Variants in DGKA observed in about 807,000 individuals in gnomAD.
The protein encoded by DGKA is 80 kDa diacylglycerol kinase.
A neutral mutation model predicts 105.0 loss-of-function variants in DGKA; 35 were observed. That is an observed-to-expected ratio of 0.33 (90% CI 0.25 to 0.44). The LOEUF (loss-of-function observed/expected upper bound fraction) is 0.44. Among genes scored for constraint, DGKA ranks in the 20% least tolerant of loss-of-function variants. The pLI is 1.00. For synonymous variants in DGKA, 296 were observed against 332.0 expected (o/e 0.89, Z 1.18); for missense variants, 665 against 915.0 (o/e 0.73, Z 3.53).
At position 55,952,512 on chromosome 12, in the gene DGKA, C is replaced by T; in HGVS notation, c.1743+81C>T. On this transcript the variant is annotated intron_variant, in intron 20 of 23. Transcript: ENST00000331886. The surrounding 1 kb of genome is among the most constrained non-coding windows in gnomAD (Gnocchi z 5.1). ...TCTCCCTCCATGGCACCCTTAGGAA[C>T]TTCCCATATTCTTGAACCTATGCTT... 1 of 1,419,912 alleles carries T rather than the reference C, an allele frequency of 7.0e-7. No individual in the cohort carries two copies. Among genetic ancestry groups the T allele is most frequent in the Non-Finnish European group, 9.9e-7 (1 of 1,005,302 alleles). The allele number at this position is 1,419,912 out of a possible 1,614,324, so 88.0% of individuals were successfully genotyped here. A position where few individuals can be genotyped will look rare whatever the true frequency, so the allele number is the denominator to read the frequency against.
At chr12:55,927,625 G>A (rs150122222), upstream of DGKA, 771 of 1,437,426 alleles carry the variant, frequency 5.4e-4, no homozygotes, top group Middle Eastern at 3.1e-3. Flanking sequence ...AGAAGGTGGG[G>A]AGGTCGAATT....
chr12:55,929,905 G>T (rs1180022611), upstream of DGKA, among the ~76,000 whole-genome samples: 1 of 152,182 alleles, frequency 6.6e-6, no homozygotes, highest in Non-Finnish European at 1.5e-5. Context: ...TATCTTAAAA[G>T]GAGTGTCTTC....
At chr12:55,939,733 T>C (rs1885502283) in intron 9 of DGKA, 2 of 614,564 alleles carry the variant, frequency 3.3e-6, no homozygotes, top group Non-Finnish European at 5.7e-6. Flanking sequence ...TTAAAAAAGT[T>C]GGTGCAAGAA....
In DGKA at chr12:55,936,533, C is replaced by T. The variant is rs1884740477; in HGVS notation, c.30C>T (p.Pro10=). The T allele has an allele frequency of 6.2e-7, 1 of 1,614,040 alleles. No homozygotes were observed. Among genetic ancestry groups the T allele is most frequent in the Admixed American group, 1.7e-5 (1 of 60,004 alleles). The part of the protein sequence containing the change: MAKERGLIS[P]SDFAQLQKYM... Reference sequence around the variant, plus strand: ...CCAAGGAGAGGGGCCTAATAAGCCCCAGTGATTTTGCCCAGCTGCAAAAAT... The same window carrying T: ...CCAAGGAGAGGGGCCTAATAAGCCCTAGTGATTTTGCCCAGCTGCAAAAAT... The change falls in exon 2 of 24, where the codon CCC becomes CCT. Residue 10 remains proline (P), a synonymous_variant. Coordinates refer to ENST00000331886, the MANE Select transcript of DGKA (RefSeq NM_001345.5).
intron 17 of DGKA, among the ~76,000 whole-genome samples, chr12:55,950,231 C>G (rs1445924024): frequency 6.6e-6 from 1 of 151,952 alleles, no homozygotes; most frequent in Non-Finnish European, 1.5e-5. Context: ...CCTCGGCCTC[C>G]CAAAATGCTG....
intron 17 of DGKA, among the ~76,000 whole-genome samples, chr12:55,950,739 C>A (rs951174575): frequency 1.5e-4 from 23 of 151,750 alleles, no homozygotes; most frequent in Non-Finnish European, 2.8e-4. Flanking sequence ...CTGTGCCTGG[C>A]CTTGTTTGTT....
At chr12:55,936,333 A>C in intron 1 of DGKA, 90 bp from the exon 2 acceptor site, 1 of 1,363,082 alleles carries the variant, frequency 7.3e-7, no homozygotes, top group Non-Finnish European at 9.7e-7. Flanking sequence ...AAAAAATAAT[A>C]GTGGGAGTAG....
intron 17 of DGKA, among the ~76,000 whole-genome samples, chr12:55,946,984 C>CTTTTTTTTT (rs1233832786): frequency 3.1e-5 from 4 of 127,882 alleles, no homozygotes; most frequent in Non-Finnish European, 5.0e-5. Flanking sequence ...TCCTTTCTTT[C>CTTTTTTTTT]TTTTTTTTTT....
At chr12:55,948,349 C>T (rs1367625242) in intron 17 of DGKA, among the ~76,000 whole-genome samples, 3 of 150,844 alleles carry the variant, frequency 2.0e-5, no homozygotes, top group East Asian at 2.0e-4. Context: ...TGCAGTGAGC[C>T]GAGATCATGC....
At chr12:55,934,291 G>A (rs1485612629) in intron 1 of DGKA, among the ~76,000 whole-genome samples, 1 of 152,140 alleles carries the variant, frequency 6.6e-6, no homozygotes, top group Non-Finnish European at 1.5e-5. Flanking sequence ...ATCCCCAGGG[G>A]TAATCAGAGA....
At chr12:55,936,085 C>T (rs1884633295) in intron 1 of DGKA, 1 of 933,130 alleles carries the variant, frequency 1.1e-6, no homozygotes, top group Non-Finnish European at 1.3e-6. Flanking sequence ...AGACAAGGGA[C>T]ACACCCACAG....
intron 2 of DGKA, chr12:55,936,814 T>C (rs756724193): frequency 2.5e-6 from 2 of 796,648 alleles, no homozygotes. Flanking sequence ...TCGCTATACC[T>C]GGACTGCTTG....
Position 55,932,286 on chromosome 12 carries a change from G to T in DGKA, c.-82+942G>T. 1.9e-6 allele frequency: 1 copy of T among 528,256 alleles called. No individual in the cohort carries two copies. Among genetic ancestry groups the T allele is most frequent in the Non-Finnish European group, 3.4e-6 (1 of 291,472 alleles). 32.7% of individuals were successfully genotyped at this position (528,256 alleles called of 1,614,324 possible). A position where few individuals can be genotyped will look rare whatever the true frequency, so the allele number is the denominator to read the frequency against. On this transcript the variant is annotated intron_variant, in intron 1 of 23. Coordinates refer to ENST00000331886, the MANE Select transcript of DGKA (RefSeq NM_001345.5). The surrounding 1 kb of genome is among the most constrained non-coding windows in gnomAD (Gnocchi z 4.3). ...GAGAAGGGTCTGCGCTGGGACGCGG[G>T]GGTGCAGCGGGAGGGCTGGGCCCGA...
chr12:55,937,665 TAGTC>T (rs1885028067), intron 4 of DGKA, 122 bp downstream of exon 4: 3 of 1,333,298 alleles, frequency 2.3e-6, no homozygotes. Context: ...TGGTGGAGAA[TAGTC>T]AGGCTGGTCT....
chr12:55,938,551 G>C lies in DGKA; in HGVS notation c.390G>C (p.Leu130=). ...KLYDTDRNGI[L]DSSEVDKIIL... ...ACGACACGGACAGAAATGGGATCCTGGACAGCTCAGTGAGTTGGGGACCCT... is the reference window on the plus strand; with the variant it reads ...ACGACACGGACAGAAATGGGATCCTCGACAGCTCAGTGAGTTGGGGACCCT... Residue 130 remains leucine (L), a synonymous_variant, in exon 6 of 24, where the codon CTG becomes CTC. Transcript: ENST00000331886. The C allele has an allele frequency of 6.2e-7, 1 of 1,614,110 alleles. No homozygotes were observed. The highest frequency in any genetic ancestry group is 8.5e-7 in the Non-Finnish European group (1 of 1,180,002).
intron 4 of DGKA, 50 bp from the exon 5 acceptor site, chr12:55,937,928 G>A (rs1379416464): frequency 2.0e-6 from 3 of 1,515,842 alleles, no homozygotes; most frequent in Non-Finnish European, 2.7e-6. Context: ...GATAAAACAT[G>A]AGCCAAAGTG....
intron 4 of DGKA, 133 bp from the exon 5 acceptor site, chr12:55,937,845 G>C (rs1397149175): frequency 1.2e-6 from 1 of 843,230 alleles, no homozygotes; most frequent in Non-Finnish European, 1.9e-6. Context: ...CTCAGTGACA[G>C]AGCAAGACCC....
At position 55,952,204 on chromosome 12, in the gene DGKA, T is replaced by G; in HGVS notation, c.1652+105T>G. On this transcript the variant is annotated intron_variant, in intron 19 of 23. Coordinates refer to ENST00000331886, the MANE Select transcript of DGKA (RefSeq NM_001345.5). The surrounding 1 kb of genome is among the most constrained non-coding windows in gnomAD (Gnocchi z 5.1). ...GAAGAACAGTGGCACCTCTAGGAGGTCCCCCCAACCAAAGCCACCCTTGTT... is the reference window on the plus strand; with the variant it reads ...GAAGAACAGTGGCACCTCTAGGAGGGCCCCCCAACCAAAGCCACCCTTGTT... The G allele has an allele frequency of 6.5e-7, 1 of 1,537,348 alleles. No individual in the cohort carries two copies. The highest frequency in any genetic ancestry group is 9.0e-7 in the Non-Finnish European group (1 of 1,112,524).
At chr12:55,946,329 C>A (rs890601781) in intron 17 of DGKA, among the ~76,000 whole-genome samples, 3 of 151,732 alleles carry the variant, frequency 2.0e-5, no homozygotes, top group Admixed American at 2.0e-4. Context: ...TGCTACAACA[C>A]CTGGCTAATT....
Sources: allele counts gnomAD v4.1 joint callset (sites outside exome capture counted in the v4.1 genomes callset), GRCh38; gene constraint gnomAD v4.1.1; non-coding constraint Gnocchi (gnomAD v3.1); transcripts MANE v1.5; gene names NCBI Gene and HGNC (gene_info 2026-07-23, HGNC 2026-07-21).